MREG: variants seen among roughly 807,000 people sequenced by gnomAD.
The protein encoded by MREG is melanoregulin, also known as dilute suppressor protein homolog.
Under a neutral mutation model 28.5 loss-of-function variants are expected in MREG, and 31 were observed. The observed-to-expected ratio is 1.09, with a 90% CI of 0.82 to 1.47. MREG has a LOEUF of 1.47. Among genes scored for constraint, MREG ranks in the 40% most tolerant of loss-of-function variants. MREG has a pLI of 0.00. For missense variants in MREG, 256 were observed against 257.4 expected (o/e 0.99, Z 0.04); for synonymous variants, 106 against 95.2 (o/e 1.11, Z -0.66).
chr2:216,024,523 C>T (rs575076523), intron 1 of MREG, among the ~76,000 whole-genome samples: 16 of 151,742 alleles, frequency 1.1e-4, no homozygotes, highest in Non-Finnish European at 1.8e-4. Context: ...ACTCCTCAGT[C>T]CAAGGGAGAG....
Position 216,000,061 on chromosome 2 carries a change from A to G in MREG, c.96-3596T>C, listed in dbSNP as rs1209800208. ...GATAACATGAAAGATGCTGACTCCA[A>G]TTTCTTTCTGCAGCCAATGATATGC... On this transcript the variant is annotated intron_variant, in intron 1 of 4. Coordinates refer to ENST00000263268, the MANE Select transcript of MREG (RefSeq NM_018000.3). Among the ~76,000 whole-genome samples, 6 of 152,348 alleles carry G rather than the reference A, an allele frequency of 3.9e-5. No homozygotes were observed. In the East Asian group the frequency reaches 9.6e-4, roughly 24 times the overall value.
At position 216,010,966 on chromosome 2, in the gene MREG, G is replaced by A. The variant is rs371674786; in HGVS notation, c.95+2267C>T. On this transcript the variant is annotated intron_variant, in intron 1 of 4. Transcript: ENST00000263268. ...AAAAAATTAGCCGGGCGCAGTGGCC[G>A]GCACCTGTAGTCCCAGCTACTCGGG... 1.0e-3 allele frequency among the ~76,000 whole-genome samples: 154 copies of A among 151,536 alleles called. 7 individuals are homozygous for A. The South Asian group carries it at 0.031, about 30-fold the overall frequency.
At chr2:215,952,229 T>C (rs1006446637) in intron 2 of MREG, among the ~76,000 whole-genome samples, 1 of 152,166 alleles carries the variant, frequency 6.6e-6, no homozygotes, top group Non-Finnish European at 1.5e-5. Flanking sequence ...GCAATGAACA[T>C]GGGGGTACAG....
chr2:216,005,994 A>G (rs953839680), intron 1 of MREG, among the ~76,000 whole-genome samples: 1 of 152,344 alleles, frequency 6.6e-6, no homozygotes, highest in Non-Finnish European at 1.5e-5. Context: ...CACAAAACAA[A>G]GATTTATTAA....
At position 215,944,876 on chromosome 2, in the gene MREG, A is replaced by G; in HGVS notation, c.632T>C (p.Phe211Ser). ...DGQKELHYLPFPSP is the reference protein window; with the variant it reads ...DGQKELHYLPSPSP ...TGAGCCTCTCCTTTAGGGACTTGGA[A>G]ACGGAAGGTAGTGCAGTTCTTTCTG... Residue 211 changes from phenylalanine (F) to serine (S), a missense_variant, in exon 5 of 5, where the codon TTT (phenylalanine) becomes TCT (serine). Coordinates refer to ENST00000263268, the MANE Select transcript of MREG (RefSeq NM_018000.3). The G allele has an allele frequency of 6.3e-7, 1 of 1,593,684 alleles. No homozygotes were observed. The highest frequency in any genetic ancestry group is 8.6e-7 in the Non-Finnish European group (1 of 1,163,444).
At chr2:215,955,889 C>T (rs1181502739) in intron 2 of MREG, among the ~76,000 whole-genome samples, 1 of 152,136 alleles carries the variant, frequency 6.6e-6, no homozygotes, top group Admixed American at 6.5e-5. Flanking sequence ...GATAGTTCTG[C>T]CGCTACTGAA....
At chr2:216,007,402 ATT>A (rs869179753) in intron 1 of MREG, among the ~76,000 whole-genome samples, 1 of 118,514 alleles carries the variant, frequency 8.4e-6, no homozygotes, top group Non-Finnish European at 1.8e-5. Context: ...ACTTAGCAAC[ATT>A]TTATTTATTT....
At chr2:215,994,807 T>TC (rs1441501866) in intron 2 of MREG, among the ~76,000 whole-genome samples, 1 of 152,134 alleles carries the variant, frequency 6.6e-6, no homozygotes, top group Non-Finnish European at 1.5e-5. Flanking sequence ...TGGGAGCTCC[T>TC]CCAGGGAGAG....
At chr2:216,007,903 A>G (rs1694203352) in intron 1 of MREG, among the ~76,000 whole-genome samples, 1 of 152,196 alleles carries the variant, frequency 6.6e-6, no homozygotes, top group Non-Finnish European at 1.5e-5. Flanking sequence ...GCAACAATAT[A>G]TATTAAATAA....
intron 2 of MREG, among the ~76,000 whole-genome samples, chr2:215,981,801 T>C (rs1234683246): frequency 6.6e-6 from 1 of 152,332 alleles, no homozygotes; most frequent in East Asian, 1.9e-4. Context: ...CAACAGATAG[T>C]ATAATCACTC....
intron 2 of MREG, among the ~76,000 whole-genome samples, chr2:215,994,563 A>G (rs1354657179): frequency 1.3e-5 from 2 of 151,534 alleles, no homozygotes; most frequent in South Asian, 2.1e-4. Context: ...TAATTTTAAA[A>G]AAAAAGAGGG....
At chr2:215,958,911 G>GT (rs1692706689) in intron 2 of MREG, among the ~76,000 whole-genome samples, 1 of 152,188 alleles carries the variant, frequency 6.6e-6, no homozygotes, top group Admixed American at 6.5e-5. Flanking sequence ...GCCATGGGTA[G>GT]TAAGTCCCCC....
chr2:215,994,086 C>A (rs375018071), intron 2 of MREG, among the ~76,000 whole-genome samples: 1 of 151,966 alleles, frequency 6.6e-6, no homozygotes, highest in East Asian at 1.9e-4. Flanking sequence ...GATTATAAAT[C>A]ATTCTACTAT....
intron 2 of MREG, among the ~76,000 whole-genome samples, chr2:215,977,949 C>T (rs1050802685): frequency 6.6e-6 from 1 of 151,980 alleles, no homozygotes; most frequent in African/African-American, 2.4e-5. Context: ...AAATCGATAC[C>T]CTAACATCAC....
intron 2 of MREG, among the ~76,000 whole-genome samples, chr2:215,963,702 A>T (rs2105982507): frequency 6.6e-6 from 1 of 152,300 alleles, no homozygotes. Flanking sequence ...ATGTCTTTTT[A>T]GCCTAATACC....
chr2:215,956,564 T>C (rs1422892311), intron 2 of MREG, among the ~76,000 whole-genome samples: 2 of 152,154 alleles, frequency 1.3e-5, no homozygotes, highest in African/African-American at 2.4e-5. Flanking sequence ...TTTGAGATAG[T>C]ATCTCACTCT....
At chr2:215,992,918 CACAA>C (rs1204288383) in intron 2 of MREG, among the ~76,000 whole-genome samples, 2 of 152,072 alleles carry the variant, frequency 1.3e-5, no homozygotes, top group Non-Finnish European at 2.9e-5. Context: ...TAAGAGAGGA[CACAA>C]ACAAACAGAA....
At chr2:216,030,956 TCACACACA>T (rs1219074422) in intron 1 of MREG, among the ~76,000 whole-genome samples, 3 of 113,348 alleles carry the variant, frequency 2.6e-5, no homozygotes, top group African/African-American at 1.1e-4. Context: ...TCTCTCTCTC[TCACACACA>T]CACACACACA....
chr2:215,983,464 A>C (rs536278870), intron 2 of MREG, among the ~76,000 whole-genome samples: 64 of 152,234 alleles, frequency 4.2e-4, no homozygotes, highest in Non-Finnish European at 9.0e-4. Flanking sequence ...TGTATGACCC[A>C]GACATTGGAG....
Sources: gnomAD v4.1 joint callset for allele counts (sites outside exome capture counted in the v4.1 genomes callset) on GRCh38, gnomAD v4.1.1 for gene constraint, MANE v1.5 for transcripts, NCBI Gene and HGNC (gene_info 2026-07-23, HGNC 2026-07-21) for gene names.